The following INSYN2B variants were observed in gnomAD, a reference collection of about 807,000 sequenced individuals.
INSYN2B encodes the protein protein INSYN2B.
Under a neutral mutation model 41.2 loss-of-function variants are expected in INSYN2B, and 16 were observed. The observed-to-expected ratio is 0.39, with a 90% CI of 0.26 to 0.59. The LOEUF is 0.59. INSYN2B is among the 20% of genes least tolerant of loss of function. The pLI is 0.57. For missense variants in INSYN2B, 608 were observed against 646.4 expected (o/e 0.94, Z 0.64); for synonymous variants, 245 against 244.4 (o/e 1.00, Z -0.02).
intron 1 of INSYN2B, among the ~76,000 whole-genome samples, chr5:169,898,576 A>T (rs1263589096): frequency 2.6e-5 from 4 of 152,194 alleles, no homozygotes; most frequent in Non-Finnish European, 5.9e-5. Context: ...ACCGGATTGC[A>T]GTATGAGTTC....
chr5:169,970,745 G>A (rs1247580745), intron 1 of INSYN2B, among the ~76,000 whole-genome samples: 4 of 152,206 alleles, frequency 2.6e-5, no homozygotes, highest in Non-Finnish European at 5.9e-5. Flanking sequence ...AATCAGTCCA[G>A]ACAACTGTGA....
chr5:169,893,467 C>T (rs1017708094), intron 1 of INSYN2B, among the ~76,000 whole-genome samples: 36 of 129,332 alleles, frequency 2.8e-4, no homozygotes, highest in African/African-American at 1.1e-3. Flanking sequence ...TAACTGGGGA[C>T]ATTTTCTTAC....
chr5:169,884,016 G>T lies in INSYN2B; in HGVS notation c.-118C>A. 1 of 989,538 alleles carries T rather than the reference G, an allele frequency of 1.0e-6. No homozygotes were observed. The highest frequency in any genetic ancestry group is 1.4e-6 in the Non-Finnish European group (1 of 718,596). 61.3% of individuals were successfully genotyped at this position (989,538 alleles called of 1,614,324 possible). A position where few individuals can be genotyped will look rare whatever the true frequency, so the allele number is the denominator to read the frequency against. ...TCATAGAGAACTGCTGGCCAGGATG[G>T]AGTGGTCCTCTCCTCTTAGTATGGG... On this transcript the variant is annotated 5_prime_UTR_variant, in exon 2 of 4. Transcript: ENST00000377365.
At chr5:169,934,529 C>G (rs775361710) in intron 1 of INSYN2B, 22 of 405,968 alleles carry the variant, frequency 5.4e-5, no homozygotes, top group Admixed American at 5.2e-4. Flanking sequence ...CACATTTCTT[C>G]CAGCCTAATT....
chr5:169,899,952 C>T (rs1322732186), intron 1 of INSYN2B, among the ~76,000 whole-genome samples: 2 of 152,214 alleles, frequency 1.3e-5, no homozygotes, highest in Non-Finnish European at 2.9e-5. Flanking sequence ...TCATTTCCTT[C>T]CACTAAGATC....
At chr5:169,937,817 C>A (rs1776058715) in intron 1 of INSYN2B, among the ~76,000 whole-genome samples, 1 of 152,206 alleles carries the variant, frequency 6.6e-6, no homozygotes, top group African/African-American at 2.4e-5. Flanking sequence ...AGGCATGGAT[C>A]ATTCTATTGG....
At chr5:169,947,562 A>G (rs1289326449) in intron 1 of INSYN2B, among the ~76,000 whole-genome samples, 2 of 152,222 alleles carry the variant, frequency 1.3e-5, no homozygotes, top group Admixed American at 6.5e-5. Context: ...CTGCCCTGGC[A>G]TCTGGGCCTT....
At chr5:169,912,036 C>T (rs1476931092) in intron 1 of INSYN2B, among the ~76,000 whole-genome samples, 1 of 152,150 alleles carries the variant, frequency 6.6e-6, no homozygotes, top group African/African-American at 2.4e-5. Context: ...TAACTGCGTA[C>T]CTATGCACAT....
At chr5:169,865,941 T>C (rs1581315644) in intron 3 of INSYN2B, among the ~76,000 whole-genome samples, 2 of 152,240 alleles carry the variant, frequency 1.3e-5, no homozygotes, top group East Asian at 3.9e-4. Flanking sequence ...CAAAGGCATG[T>C]TGCCGTTGCC....
At chr5:169,880,333 C>G (rs998495406) in intron 3 of INSYN2B, among the ~76,000 whole-genome samples, 1 of 152,342 alleles carries the variant, frequency 6.6e-6, no homozygotes, top group East Asian at 1.9e-4. Flanking sequence ...GGCATATGGT[C>G]TCTTACTCAT....
At chr5:169,875,527 C>A (rs1772273883) in intron 3 of INSYN2B, 3 of 292,502 alleles carry the variant, frequency 1.0e-5, no homozygotes, top group Non-Finnish European at 1.4e-5. Context: ...GAAGACAGAA[C>A]TGTGTTCTGC....
chr5:169,938,325 A>C (rs962041933), intron 1 of INSYN2B, among the ~76,000 whole-genome samples: 3 of 152,094 alleles, frequency 2.0e-5, no homozygotes, highest in Non-Finnish European at 4.4e-5. Flanking sequence ...TGTTAAGAGA[A>C]ATGCATCATT....
chr5:169,958,292 A>T (rs1028492727), intron 1 of INSYN2B, among the ~76,000 whole-genome samples: 1 of 152,164 alleles, frequency 6.6e-6, no homozygotes, highest in Non-Finnish European at 1.5e-5. Context: ...AAGCTTATGA[A>T]TCTATTAGAT....
At chr5:169,906,103 A>G (rs1259215795) in intron 1 of INSYN2B, among the ~76,000 whole-genome samples, 1 of 152,192 alleles carries the variant, frequency 6.6e-6, no homozygotes, top group African/African-American at 2.4e-5. Context: ...AGAGTTACCA[A>G]ACGGTCCTGA....
intron 1 of INSYN2B, among the ~76,000 whole-genome samples, chr5:169,899,745 A>G (rs918839510): frequency 8.5e-5 from 13 of 152,230 alleles, no homozygotes; most frequent in African/African-American, 3.1e-4. Context: ...TTGTTGGCAT[A>G]CAAAGACTGC....
intron 1 of INSYN2B, among the ~76,000 whole-genome samples, chr5:169,896,200 C>T (rs1209813838): frequency 6.6e-6 from 1 of 152,138 alleles, no homozygotes; most frequent in Non-Finnish European, 1.5e-5. Flanking sequence ...AGGCAGTCAG[C>T]AGTGAGCAAC....
At chr5:169,913,886 C>G (rs1774738940) in intron 1 of INSYN2B, among the ~76,000 whole-genome samples, 2 of 152,184 alleles carry the variant, frequency 1.3e-5, no homozygotes, top group African/African-American at 2.4e-5. Context: ...GACATTATCT[C>G]TTTTAATCCT....
At chr5:169,943,587 CCCTCA>C (rs954676711) in intron 1 of INSYN2B, among the ~76,000 whole-genome samples, 2 of 152,184 alleles carry the variant, frequency 1.3e-5, no homozygotes, top group Admixed American at 6.5e-5. Context: ...TATTTGGTTA[CCCTCA>C]CCTCCTGGCT....
rs1226887433 is a variant in INSYN2B at position 169,863,501 on chromosome 5, G to T, written c.*772C>A. The stretch of plus-strand genomic sequence containing the variant: ...CCACCCATTTGCCAGGTGGTCTCAG[G>T]CCCTAGGCAGAGAAGAAGCATGATG... On this transcript the variant is annotated 3_prime_UTR_variant, in exon 4 of 4. Coordinates refer to ENST00000377365, the MANE Select transcript of INSYN2B (RefSeq NM_001129891.3). 6.6e-6 allele frequency among the ~76,000 whole-genome samples: 1 copy of T among 152,150 alleles called. No individual in the cohort carries two copies. Among genetic ancestry groups the T allele is most frequent in the Non-Finnish European group, 1.5e-5 (1 of 68,038 alleles).
Sources: gnomAD v4.1 joint callset for allele counts (sites outside exome capture counted in the v4.1 genomes callset) on GRCh38, gnomAD v4.1.1 for gene constraint, MANE v1.5 for transcripts, NCBI Gene and HGNC (gene_info 2026-07-23, HGNC 2026-07-21) for gene names.